B3GNT2: variants seen among roughly 807,000 people sequenced by gnomAD.
B3GNT2 encodes the protein UDP-GlcNAc:betaGal beta-1,3-N-acetylglucosaminyltransferase 2.
B3GNT2 carries 12 observed loss-of-function variants against 27.6 expected under a neutral mutation model. The ratio of observed to expected loss-of-function variants is 0.44; its 90% CI spans 0.28 to 0.71. B3GNT2 has a LOEUF of 0.71. B3GNT2 is among the 30% of genes least tolerant of loss of function. The pLI is 0.17. For synonymous variants in B3GNT2, 192 were observed against 189.7 expected, an observed-to-expected ratio of 1.01 and a Z score of -0.10; for missense variants, 413 against 488.5, an observed-to-expected ratio of 0.85 and a Z score of 1.46.
In B3GNT2 at chr2:62,222,619, T is replaced by C. The variant is rs775458740; in HGVS notation, c.399T>C (p.Asp133=). Reference sequence around the variant, plus strand: ...GCCGCAATTATTCACTGCTTATAGATCAGCCGGATAAGTGTGCAAAGAAAC... The same window carrying C: ...GCCGCAATTATTCACTGCTTATAGACCAGCCGGATAAGTGTGCAAAGAAAC... ...LRCRNYSLLI[D]QPDKCAKKPF... is the part of the protein sequence containing the mutation. The change falls in exon 2 of 2, where the codon GAT becomes GAC. Residue 133 remains aspartate (D), a synonymous_variant. Coordinates refer to ENST00000301998, the MANE Select transcript of B3GNT2 (RefSeq NM_006577.6). This position sits in a 1 kb window ranked among gnomAD's most constrained non-coding sequence, Gnocchi z 4.2. 6.2e-7 allele frequency: 1 copy of C among 1,614,194 alleles called. No homozygotes were observed. Among genetic ancestry groups the C allele is most frequent in the South Asian group, 1.1e-5 (1 of 91,088 alleles).
Position 62,222,078 on chromosome 2 carries a change from G to T in B3GNT2, c.-9-134G>T. 1.2e-6 allele frequency: 1 copy of T among 802,874 alleles called. No individual in the cohort carries two copies. Among genetic ancestry groups the T allele is most frequent in the South Asian group, 1.8e-5 (1 of 55,030 alleles). 49.7% of individuals were successfully genotyped at this position (802,874 alleles called of 1,614,324 possible). A position where few individuals can be genotyped will look rare whatever the true frequency, so the allele number is the denominator to read the frequency against. On this transcript the variant is annotated intron_variant, in intron 1 of 1. Coordinates refer to ENST00000301998, the MANE Select transcript of B3GNT2 (RefSeq NM_006577.6). This position sits in a 1 kb window ranked among gnomAD's most constrained non-coding sequence, Gnocchi z 4.2. Reference sequence around the variant, plus strand: ...CACAAAGCTAGAAAGGAAGGGCCAAGATTTGAACCTAGGCAGTGCAAGTGT... The same window carrying T: ...CACAAAGCTAGAAAGGAAGGGCCAATATTTGAACCTAGGCAGTGCAAGTGT...
intron 1 of B3GNT2, among the ~76,000 whole-genome samples, chr2:62,214,743 T>C (rs745794026): frequency 3.3e-5 from 5 of 151,910 alleles, no homozygotes; most frequent in Non-Finnish European, 7.4e-5. Context: ...CTTAGAGAGG[T>C]CGGGTAACTT....
intron 1 of B3GNT2, among the ~76,000 whole-genome samples, chr2:62,196,830 A>G (rs1426336107): frequency 1.3e-5 from 2 of 151,298 alleles, no homozygotes; most frequent in East Asian, 2.0e-4. Context: ...GGCGCGCGTG[A>G]TTCCTCGCTC....
At chr2:62,199,127 G>C (rs896726574) in intron 1 of B3GNT2, among the ~76,000 whole-genome samples, 2 of 152,160 alleles carry the variant, frequency 1.3e-5, no homozygotes, top group African/African-American at 4.8e-5. Context: ...CTTTAGTAGA[G>C]ACAGGGTTTC....
intron 1 of B3GNT2, among the ~76,000 whole-genome samples, chr2:62,207,522 C>T (rs1182235454): frequency 6.6e-6 from 1 of 152,122 alleles, no homozygotes; most frequent in Non-Finnish European, 1.5e-5. Flanking sequence ...GGTCCCCAGC[C>T]TTTTTAGCAC....
intron 1 of B3GNT2, among the ~76,000 whole-genome samples, chr2:62,197,379 T>G (rs1342123047): frequency 6.6e-6 from 1 of 152,188 alleles, no homozygotes; most frequent in Non-Finnish European, 1.5e-5. Context: ...TCCCCACAAG[T>G]GTCACAGCGT....
rs1338137978 is a variant in B3GNT2 at position 62,222,436 on chromosome 2, C to T, written c.216C>T (p.Pro72=). The T allele has an allele frequency of 5.0e-6, 8 of 1,614,052 alleles. No individual in the cohort carries two copies. Among genetic ancestry groups the T allele is most frequent in the Non-Finnish European group, 6.8e-6 (8 of 1,180,056 alleles). Residue 72 remains proline (P), a synonymous_variant, in exon 2 of 2, where the codon CCC becomes CCT. Coordinates refer to ENST00000301998, the MANE Select transcript of B3GNT2 (RefSeq NM_006577.6). This position sits in a 1 kb window ranked among gnomAD's most constrained non-coding sequence, Gnocchi z 4.2. ...EQEKLNRQYN[P]ILSMLTNQTG... ...AGAAGCTGAACCGGCAGTACAACCC[C>T]ATCCTGAGCATGCTGACCAACCAGA... is the stretch of plus-strand genomic sequence containing the variant.
intron 1 of B3GNT2, among the ~76,000 whole-genome samples, chr2:62,212,734 T>C (rs978402675): frequency 2.0e-5 from 3 of 152,062 alleles, no homozygotes; most frequent in Non-Finnish European, 4.4e-5. Context: ...TTTTGGGAGA[T>C]ATTTTTCATC....
intron 1 of B3GNT2, among the ~76,000 whole-genome samples, chr2:62,212,582 A>G (rs1674500744): frequency 6.6e-6 from 1 of 150,828 alleles, no homozygotes; most frequent in Non-Finnish European, 1.5e-5. Flanking sequence ...GACTGTCTAC[A>G]CCCAGACTTG....
chr2:62,214,445 A>T (rs1057496745), intron 1 of B3GNT2, among the ~76,000 whole-genome samples: 1 of 152,236 alleles, frequency 6.6e-6, no homozygotes, highest in African/African-American at 2.4e-5. Flanking sequence ...GGTTTTCACC[A>T]GGTGCCTGAG....
intron 1 of B3GNT2, among the ~76,000 whole-genome samples, chr2:62,208,098 A>G (rs1435529312): frequency 1.3e-5 from 2 of 152,140 alleles, no homozygotes; most frequent in East Asian, 1.9e-4. Context: ...ACATTTTACT[A>G]TGTAAAATGA....
At chr2:62,196,869 G>A (rs1160677989) in intron 1 of B3GNT2, among the ~76,000 whole-genome samples, 2 of 152,034 alleles carry the variant, frequency 1.3e-5, no homozygotes, top group Admixed American at 1.3e-4. Context: ...CTCGCACTGC[G>A]CCGGCCTCCC....
intron 1 of B3GNT2, among the ~76,000 whole-genome samples, chr2:62,217,050 C>T (rs923203046): frequency 4.6e-5 from 7 of 152,204 alleles, no homozygotes; most frequent in Non-Finnish European, 1.0e-4. Flanking sequence ...CTGCATTTTG[C>T]CCAGAGCCTA....
rs1225397323 is a variant in B3GNT2 at position 62,223,423 on chromosome 2, C to A, written c.*9C>A. On this transcript the variant is annotated 3_prime_UTR_variant, in exon 2 of 2. Transcript: ENST00000301998. ...CTCATTTAAAATGCTAAAATAGATACAAACTCAATTTTGCATAGAAAGGTG... is the reference window on the plus strand; with the variant it reads ...CTCATTTAAAATGCTAAAATAGATAAAAACTCAATTTTGCATAGAAAGGTG... 2 of 1,578,644 alleles carry A rather than the reference C, an allele frequency of 1.3e-6. No individual in the cohort carries two copies. The highest frequency in any genetic ancestry group is 8.6e-7 in the Non-Finnish European group (1 of 1,156,398).
At chr2:62,204,302 AT>A (rs36044901) in intron 1 of B3GNT2, among the ~76,000 whole-genome samples, 102,536 of 152,022 alleles carry the variant, frequency 0.67, 34,779 homozygotes, top group South Asian at 0.7. Context: ...CCTGGTAGAA[AT>A]TTTTCTAATT....
intron 1 of B3GNT2, among the ~76,000 whole-genome samples, chr2:62,212,055 A>G (rs1674490489): frequency 6.6e-6 from 1 of 152,170 alleles, no homozygotes; most frequent in African/African-American, 2.4e-5. Context: ...GTTTTTAAGT[A>G]TTGCCTTCCT....
rs146141291 is a variant in B3GNT2, at chr2:62,218,616, C to T, written c.-9-3596C>T. Among the ~76,000 whole-genome samples the T allele has an allele frequency of 4.2e-4, 64 of 152,252 alleles. 2 individuals carry two copies. In the East Asian group the frequency reaches 0.01, roughly 24 times the overall value. Reference sequence around the variant, plus strand: ...TCCAGGTAACTAGAATGTGGTTGAGCCTCATAGAAAAAAGAGATCCAGAGA... The same window carrying T: ...TCCAGGTAACTAGAATGTGGTTGAGTCTCATAGAAAAAAGAGATCCAGAGA... On this transcript the variant is annotated intron_variant, in intron 1 of 1. Coordinates refer to ENST00000301998, the MANE Select transcript of B3GNT2 (RefSeq NM_006577.6).
intron 1 of B3GNT2, among the ~76,000 whole-genome samples, chr2:62,216,842 G>A (rs1313433685): frequency 2.0e-5 from 3 of 152,204 alleles, no homozygotes; most frequent in South Asian, 2.1e-4. Flanking sequence ...GGCTTCCCCG[G>A]GGTCATAAAG....
intron 1 of B3GNT2, among the ~76,000 whole-genome samples, chr2:62,201,959 T>C (rs1274758005): frequency 1.3e-5 from 2 of 152,234 alleles, no homozygotes; most frequent in African/African-American, 2.4e-5. Flanking sequence ...CTTGTACCTT[T>C]GTTAGTGCTG....
Sources: gnomAD v4.1 joint callset for allele counts (sites outside exome capture counted in the v4.1 genomes callset) on GRCh38, gnomAD v4.1.1 for gene constraint, Gnocchi (gnomAD v3.1) non-coding constraint, MANE v1.5 for transcripts, NCBI Gene and HGNC (gene_info 2026-07-23, HGNC 2026-07-21) for gene names.